The following PELI2 variants were observed in gnomAD, a reference collection of about 807,000 sequenced individuals.
The protein encoded by PELI2 is pellino E3 ubiquitin protein ligase family member 2.
In PELI2, 23 loss-of-function variants were observed where a neutral mutation model predicts 42.3. The observed-to-expected ratio is 0.54, with a 90% CI of 0.39 to 0.77. The LOEUF (loss-of-function observed/expected upper bound fraction) is 0.77, where lower values mean the gene tolerates loss of function less well. PELI2 is among the 30% of genes least tolerant of loss of function. The pLI is 0.00. For missense variants in PELI2, 463 were observed against 553.2 expected (o/e 0.84, Z 1.64); for synonymous variants, 245 against 212.2 (o/e 1.15, Z -1.34).
At chr14:56,216,248 A>G (rs1440066584) in intron 2 of PELI2, among the ~76,000 whole-genome samples, 1 of 152,240 alleles carries the variant, frequency 6.6e-6, no homozygotes, top group Non-Finnish European at 1.5e-5. Context: ...ATTCAAGGTC[A>G]AGGGGAAAAT....
intron 4 of PELI2, among the ~76,000 whole-genome samples, chr14:56,289,644 G>T (rs1463009600): frequency 1.3e-5 from 2 of 151,162 alleles, no homozygotes; most frequent in African/African-American, 4.9e-5. Flanking sequence ...ATGAACAGTA[G>T]CTGAGCTCTG....
At chr14:56,226,206 T>C (rs1243103302) in intron 2 of PELI2, among the ~76,000 whole-genome samples, 1 of 152,182 alleles carries the variant, frequency 6.6e-6, no homozygotes, top group Non-Finnish European at 1.5e-5. Context: ...AGCCCACCAC[T>C]GCCTGACCCA....
chr14:56,269,724 T>G (rs1889031782), intron 2 of PELI2, among the ~76,000 whole-genome samples: 1 of 152,168 alleles, frequency 6.6e-6, no homozygotes, highest in African/African-American at 2.4e-5. Context: ...CAGCCCAATC[T>G]GTACTATTAG....
chr14:56,181,840 A>ATATG (rs3221652), intron 2 of PELI2, among the ~76,000 whole-genome samples: 5 of 148,250 alleles, frequency 3.4e-5, no homozygotes, highest in African/African-American at 9.8e-5. Context: ...TGATTATGTA[A>ATATG]TGTGTGTGTG....
chr14:56,269,950 C>A (rs1797434283), intron 2 of PELI2, among the ~76,000 whole-genome samples: 1 of 152,230 alleles, frequency 6.6e-6, no homozygotes, highest in Non-Finnish European at 1.5e-5. Context: ...ACTGGTACCA[C>A]CAACCAGATC....
intron 1 of PELI2, among the ~76,000 whole-genome samples, chr14:56,138,144 G>T (rs1295442399): frequency 3.9e-5 from 6 of 152,192 alleles, no homozygotes; most frequent in Admixed American, 3.3e-4. Context: ...CGTCTGTTAG[G>T]TGCTCACCAG....
chr14:56,195,450 T>C (rs1443342834), intron 2 of PELI2, among the ~76,000 whole-genome samples: 1 of 152,166 alleles, frequency 6.6e-6, no homozygotes, highest in Non-Finnish European at 1.5e-5. Context: ...CACAGCTGGT[T>C]TGAGGCTGAA....
chr14:56,153,014 A>C (rs973818138), intron 1 of PELI2, among the ~76,000 whole-genome samples: 2 of 152,202 alleles, frequency 1.3e-5, no homozygotes, highest in African/African-American at 4.8e-5. Flanking sequence ...AGCTGCTTAG[A>C]GCACTATTCC....
At chr14:56,150,626 T>C (rs1884312499) in intron 1 of PELI2, among the ~76,000 whole-genome samples, 1 of 152,240 alleles carries the variant, frequency 6.6e-6, no homozygotes, top group Non-Finnish European at 1.5e-5. Flanking sequence ...GAAAATATCT[T>C]ATAACCTCTA....
intron 2 of PELI2, among the ~76,000 whole-genome samples, chr14:56,200,999 AT>A (rs1886313844): frequency 6.6e-6 from 1 of 152,214 alleles, no homozygotes; most frequent in East Asian, 1.9e-4. Flanking sequence ...ATTAAAATAC[AT>A]TTAATCTAGG....
intron 1 of PELI2, among the ~76,000 whole-genome samples, chr14:56,169,934 T>G (rs1476610994): frequency 6.6e-6 from 1 of 152,206 alleles, no homozygotes; most frequent in Admixed American, 6.5e-5. Flanking sequence ...GTTAGGCGCT[T>G]ATTGGCATAT....
chr14:56,254,777 A>T (rs1331125806), intron 2 of PELI2, among the ~76,000 whole-genome samples: 2 of 152,242 alleles, frequency 1.3e-5, no homozygotes, highest in Non-Finnish European at 1.5e-5. Context: ...TCTACAAGGA[A>T]CTTAAACAAA....
intron 1 of PELI2, among the ~76,000 whole-genome samples, chr14:56,120,517 A>T (rs920112302): frequency 2.6e-5 from 4 of 152,214 alleles, no homozygotes; most frequent in Non-Finnish European, 5.9e-5. Flanking sequence ...ATAACGTTGC[A>T]GTTGCATATG....
intron 2 of PELI2, among the ~76,000 whole-genome samples, chr14:56,210,388 A>G (rs573041113): frequency 6.6e-6 from 1 of 152,196 alleles, no homozygotes; most frequent in Non-Finnish European, 1.5e-5. Flanking sequence ...CAGGTCAGTC[A>G]GTGGCTTCTG....
chr14:56,144,560 G>C (rs941958111), intron 1 of PELI2, among the ~76,000 whole-genome samples: 2 of 152,182 alleles, frequency 1.3e-5, no homozygotes, highest in Non-Finnish European at 2.9e-5. Context: ...ATGCAGATTA[G>C]TGTTCGAATA....
intron 1 of PELI2, among the ~76,000 whole-genome samples, chr14:56,164,337 CAT>C (rs1329617075): frequency 6.6e-6 from 1 of 151,996 alleles, no homozygotes; most frequent in Non-Finnish European, 1.5e-5. Context: ...TACAGTGTAT[CAT>C]ATTGATTGAT....
rs1566690895 is a variant in PELI2 at position 56,296,591 on chromosome 14, T to C, written c.697-9T>C. The C allele has an allele frequency of 6.3e-7, 1 of 1,574,962 alleles. No individual in the cohort carries two copies. The highest frequency in any genetic ancestry group is 1.1e-5 in the South Asian group (1 of 87,474). ...CTTTTAAAAGGCATGTGTCTCAAAC[T>C]TGTTGTAGGTGGAAAGTGAGACCAA... On this transcript the variant is annotated splice_polypyrimidine_tract_variant and intron_variant, in intron 5 of 5. Transcript: ENST00000267460.
intron 1 of PELI2, among the ~76,000 whole-genome samples, chr14:56,137,644 A>G (rs894106650): frequency 1.3e-5 from 2 of 152,210 alleles, no homozygotes; most frequent in Admixed American, 6.5e-5. Flanking sequence ...TTATGAAAAA[A>G]CACTCACATT....
At chr14:56,183,226 CTG>C (rs1247303926) in intron 2 of PELI2, among the ~76,000 whole-genome samples, 3 of 151,638 alleles carry the variant, frequency 2.0e-5, no homozygotes, top group Non-Finnish European at 4.4e-5. Context: ...TTCTGAATCT[CTG>C]AGAGAAGAAA....
Sources: gnomAD v4.1 joint callset for allele counts (sites outside exome capture counted in the v4.1 genomes callset) on GRCh38, gnomAD v4.1.1 for gene constraint, MANE v1.5 for transcripts, NCBI Gene and HGNC (gene_info 2026-07-23, HGNC 2026-07-21) for gene names.